AUTS2: variants seen among roughly 807,000 people sequenced by gnomAD.
The protein encoded by AUTS2 is autism susceptibility gene 2 protein.
AUTS2 carries 17 observed loss-of-function variants against 112.4 expected under a neutral mutation model. The observed-to-expected ratio is 0.15, with a 90% CI of 0.10 to 0.23. The LOEUF is 0.23. Among genes scored for constraint, AUTS2 ranks in the 10% least tolerant of loss-of-function variants. The pLI is 1.00. For synonymous variants in AUTS2, 751 were observed against 702.7 expected, an observed-to-expected ratio of 1.07 and a Z score of -1.09; for missense variants, 1,510 against 1,701.6, an observed-to-expected ratio of 0.89 and a Z score of 1.98.
At chr7:70,475,102 A>G (rs1014178400) in intron 5 of AUTS2, among the ~76,000 whole-genome samples, 1 of 152,198 alleles carries the variant, frequency 6.6e-6, no homozygotes, top group African/African-American at 2.4e-5. Context: ...CATGTTGTAT[A>G]TCTGCCATTC....
intron 1 of AUTS2, among the ~76,000 whole-genome samples, chr7:69,880,658 CG>C (rs1794005925): frequency 6.6e-6 from 1 of 152,138 alleles, no homozygotes; most frequent in Admixed American, 6.5e-5. Context: ...CTTTTCGAAG[CG>C]GGAAATCAGG....
At chr7:70,176,853 C>T (rs79496431) in intron 4 of AUTS2, among the ~76,000 whole-genome samples, 70 of 152,200 alleles carry the variant, frequency 4.6e-4, no homozygotes, top group African/African-American at 1.5e-3. Flanking sequence ...CAGCAGATAA[C>T]GGAATTTGGA....
At chr7:69,661,700 CACAGTGTAAG>C (rs1347086150) in intron 1 of AUTS2, among the ~76,000 whole-genome samples, 3 of 152,158 alleles carry the variant, frequency 2.0e-5, no homozygotes, top group Admixed American at 6.5e-5. Context: ...GGTAGTGTTC[CACAGTGTAAG>C]ACAGGTTAGG....
At chr7:70,402,814 C>T (rs1419162746) in intron 4 of AUTS2, among the ~76,000 whole-genome samples, 2 of 152,126 alleles carry the variant, frequency 1.3e-5, no homozygotes, top group African/African-American at 2.4e-5. Flanking sequence ...CATTACAGCG[C>T]TTGGCATGAA....
chr7:70,152,759 C>T (rs1807513698), intron 4 of AUTS2, among the ~76,000 whole-genome samples: 1 of 152,070 alleles, frequency 6.6e-6, no homozygotes. Context: ...AGATGCTTTA[C>T]ATCTTTAATT....
chr7:70,740,275 G>A (rs901595527), intron 6 of AUTS2, among the ~76,000 whole-genome samples: 4 of 152,176 alleles, frequency 2.6e-5, no homozygotes, highest in Admixed American at 6.5e-5. Context: ...AGTCCTTCAG[G>A]TTTCAATTGT....
At chr7:70,567,892 G>T (rs1033941699) in intron 5 of AUTS2, among the ~76,000 whole-genome samples, 1 of 152,084 alleles carries the variant, frequency 6.6e-6, no homozygotes, top group Non-Finnish European at 1.5e-5. Context: ...TGCCAGTGAG[G>T]GTATAGCTCT....
intron 2 of AUTS2, among the ~76,000 whole-genome samples, chr7:70,065,075 G>A (rs967196013): frequency 2.0e-5 from 3 of 152,062 alleles, no homozygotes; most frequent in Non-Finnish European, 2.9e-5. Context: ...AAGTGGTGGG[G>A]GGCATTTCTA....
chr7:69,724,376 A>G (rs149435693), intron 1 of AUTS2, among the ~76,000 whole-genome samples: 1 of 152,316 alleles, frequency 6.6e-6, no homozygotes, highest in Non-Finnish European at 1.5e-5. Flanking sequence ...ATTTCAAAGA[A>G]GTTCTTGTTC....
At chr7:70,304,595 C>T (rs182766104) in intron 4 of AUTS2, among the ~76,000 whole-genome samples, 8 of 152,054 alleles carry the variant, frequency 5.3e-5, no homozygotes, top group Admixed American at 2.0e-4. Context: ...ATACATCTTG[C>T]GGAGAAACAC....
At chr7:69,811,948 A>C (rs1448342702) in intron 1 of AUTS2, among the ~76,000 whole-genome samples, 1 of 152,204 alleles carries the variant, frequency 6.6e-6, no homozygotes, top group Non-Finnish European at 1.5e-5. Flanking sequence ...GAATCAATGC[A>C]TGAATGAAAT....
intron 4 of AUTS2, among the ~76,000 whole-genome samples, chr7:70,404,917 AC>A (rs1794469227): frequency 6.6e-6 from 1 of 151,638 alleles, no homozygotes; most frequent in Admixed American, 6.6e-5. Flanking sequence ...ATCGTTAGAA[AC>A]CGGGGCAAAA....
intron 2 of AUTS2, among the ~76,000 whole-genome samples, chr7:69,939,477 C>T (rs1449073805): frequency 2.6e-5 from 4 of 152,106 alleles, no homozygotes; most frequent in African/African-American, 9.7e-5. Context: ...TAGCTTCAGC[C>T]CACTTACATC....
intron 4 of AUTS2, among the ~76,000 whole-genome samples, chr7:70,159,061 G>A (rs1425469273): frequency 6.6e-6 from 1 of 152,062 alleles, no homozygotes; most frequent in Non-Finnish European, 1.5e-5. Context: ...TTTTGCCGTA[G>A]CATCAACCTG....
At chr7:69,964,397 A>T (rs567058436) in intron 2 of AUTS2, among the ~76,000 whole-genome samples, 1 of 152,320 alleles carries the variant, frequency 6.6e-6, no homozygotes, top group East Asian at 1.9e-4. Flanking sequence ...ATCCTTAGGC[A>T]TTTGTTGAAG....
At chr7:70,001,330 T>G (rs1799182475) in intron 2 of AUTS2, among the ~76,000 whole-genome samples, 1 of 152,148 alleles carries the variant, frequency 6.6e-6, no homozygotes. Flanking sequence ...ATCATCATGT[T>G]GTCCAGGCTG....
intron 2 of AUTS2, among the ~76,000 whole-genome samples, chr7:69,918,398 G>A (rs555131906): frequency 6.6e-6 from 1 of 152,258 alleles, no homozygotes; most frequent in African/African-American, 2.4e-5. Context: ...AGAGTTGTAA[G>A]TCAAGAATTG....
chr7:70,068,324 C>T (rs970369796), intron 2 of AUTS2, among the ~76,000 whole-genome samples: 8 of 151,788 alleles, frequency 5.3e-5, no homozygotes, highest in African/African-American at 1.9e-4. Flanking sequence ...ACTACAGGCA[C>T]CTGCCACCCC....
At chr7:69,871,992 G>A (rs567145097) in intron 1 of AUTS2, among the ~76,000 whole-genome samples, 11 of 152,316 alleles carry the variant, frequency 7.2e-5, no homozygotes, top group Non-Finnish European at 1.5e-4. Context: ...TGTGAATGGG[G>A]CAGCCAGGAA....
Sources: gnomAD v4.1 joint callset for allele counts (sites outside exome capture counted in the v4.1 genomes callset) on GRCh38, gnomAD v4.1.1 for gene constraint, MANE v1.5 for transcripts, NCBI Gene and HGNC (gene_info 2026-07-23, HGNC 2026-07-21) for gene names.